The following GRM7 variants were observed in gnomAD, a reference collection of about 807,000 sequenced individuals.
The protein encoded by GRM7 is metabotropic glutamate receptor 7.
GRM7 carries 35 observed loss-of-function variants against 84.5 expected under a neutral mutation model. The observed-to-expected ratio is 0.41, with a 90% CI of 0.32 to 0.55. The LOEUF is 0.55. GRM7 is among the 20% of genes least tolerant of loss of function. The pLI is 0.19. For synonymous variants in GRM7, 487 were observed against 455.1 expected (o/e 1.07, Z -0.89); for missense variants, 1,003 against 1,194.6 (o/e 0.84, Z 2.36).
chr3:7,110,036 A>G (rs1392762490), intron 1 of GRM7, among the ~76,000 whole-genome samples: 1 of 152,108 alleles, frequency 6.6e-6, no homozygotes, highest in Non-Finnish European at 1.5e-5. Context: ...CTAACTATAA[A>G]TGACAATTTA....
chr3:7,665,933 T>C (rs951328481), intron 8 of GRM7, among the ~76,000 whole-genome samples: 7 of 152,218 alleles, frequency 4.6e-5, no homozygotes, highest in Non-Finnish European at 1.0e-4. Context: ...TTTGGAATTA[T>C]TATACTCCTT....
chr3:7,596,838 T>C (rs1696068540), intron 8 of GRM7, among the ~76,000 whole-genome samples: 2 of 152,070 alleles, frequency 1.3e-5, no homozygotes, highest in African/African-American at 4.8e-5. Context: ...CATGCACAGC[T>C]GTGAGGACCC....
chr3:7,566,749 T>TA (rs200028283), intron 7 of GRM7, among the ~76,000 whole-genome samples: 64 of 149,296 alleles, frequency 4.3e-4, no homozygotes, highest in Middle Eastern at 6.9e-3. Flanking sequence ...TAGAGGTTGT[T>TA]AAAAAAAAAA....
chr3:7,158,642 G>C lies in GRM7; in HGVS notation c.736+11974G>C, dbSNP rs536268088. ...GGGAAGATGAACTAAACATTATCGG[G>C]CATCTCTCCCAGTCCAGGTGCTGAT... On this transcript the variant is annotated intron_variant, in intron 2 of 9. Transcript: ENST00000357716. Among the ~76,000 whole-genome samples, 11 of 152,202 alleles carry C rather than the reference G, an allele frequency of 7.2e-5. No homozygotes were observed. The South Asian group carries it at 2.3e-3, about 32-fold the overall frequency.
chr3:6,869,537 A>C (rs747751424), intron 1 of GRM7, among the ~76,000 whole-genome samples: 11 of 129,118 alleles, frequency 8.5e-5, no homozygotes, highest in Non-Finnish European at 1.7e-4. Flanking sequence ...CTTCTGCTGA[A>C]TTGAAAATTT....
rs181961725 is a variant in GRM7 at position 6,890,146 on chromosome 3, C to T, written c.519+28239C>T. Among the ~76,000 whole-genome samples, 500 of 152,022 alleles carry T rather than the reference C, an allele frequency of 3.3e-3. 8 individuals are homozygous for T. Among genetic ancestry groups the T allele is most frequent in the African/African-American group, 0.011 (475 of 41,450 alleles). Reference sequence around the variant, plus strand: ...CTTTTTTCTTTATTAGTCTTGGTAGCGGTCTATCAATTTTGTTGATCCTTT... The same window carrying T: ...CTTTTTTCTTTATTAGTCTTGGTAGTGGTCTATCAATTTTGTTGATCCTTT... On this transcript the variant is annotated intron_variant, in intron 1 of 9. Transcript: ENST00000357716.
chr3:7,435,679 GTTTTT>G (rs71066011), intron 5 of GRM7, among the ~76,000 whole-genome samples: 1 of 88,526 alleles, frequency 1.1e-5, no homozygotes. Flanking sequence ...CATCCGGCTA[GTTTTT>G]TTTTTTTTTT....
At position 6,861,455 on chromosome 3, in the gene GRM7, G is replaced by A. The variant is rs535666333; in HGVS notation, c.67G>A (p.Val23Met). The change falls in exon 1 of 10, where the codon GTG (valine) becomes ATG (methionine). Residue 23 changes from valine (V) to methionine (M), a missense_variant. Transcript: ENST00000357716. This position sits in a 1 kb window ranked among gnomAD's most constrained non-coding sequence, Gnocchi z 6.4. ...LMKFPCCVLE[V>M]LLCALAAAAR... ...GAAGTTCCCCTGCTGCGTGCTGGAGGTGCTCCTGTGCGCGCTGGCGGCGGC... is the reference window on the plus strand; with the variant it reads ...GAAGTTCCCCTGCTGCGTGCTGGAGATGCTCCTGTGCGCGCTGGCGGCGGC... 293 of 1,600,988 alleles carry A rather than the reference G, an allele frequency of 1.8e-4. 3 individuals carry two copies. The South Asian group carries it at 3.0e-3, about 17-fold the overall frequency.
chr3:7,366,024 G>A (rs1693876211), intron 4 of GRM7, among the ~76,000 whole-genome samples: 1 of 151,512 alleles, frequency 6.6e-6, no homozygotes, highest in African/African-American at 2.4e-5. Flanking sequence ...AACCATGTAT[G>A]GTCCATTTTT....
rs180919757 is a variant in GRM7, at chr3:7,597,130, G to A, written c.2451+17773G>A. On this transcript the variant is annotated intron_variant, in intron 8 of 9. Transcript: ENST00000357716. ...TTCTGTAGGCTTTCCAGGAAGCATG[G>A]CAACATTTGCTTCTGGGGAGGTCTC... is the stretch of plus-strand genomic sequence containing the variant. Among the ~76,000 whole-genome samples, 28 of 152,222 alleles carry A rather than the reference G, an allele frequency of 1.8e-4. No individual in the cohort carries two copies. In the East Asian group the frequency reaches 5.4e-3, roughly 29 times the overall value.
chr3:7,495,405 G>C (rs1212963789), intron 7 of GRM7, among the ~76,000 whole-genome samples: 1 of 152,108 alleles, frequency 6.6e-6, no homozygotes, highest in Admixed American at 6.5e-5. Context: ...GAGGCTCAGG[G>C]ACAAAGGGGC....
intron 2 of GRM7, among the ~76,000 whole-genome samples, chr3:7,175,681 G>A (rs777531336): frequency 3.9e-5 from 6 of 152,010 alleles, no homozygotes; most frequent in Admixed American, 6.5e-5. Flanking sequence ...GGGACTACAG[G>A]CAGGTGCCAT....
At chr3:7,631,890 T>C (rs907474386) in intron 8 of GRM7, among the ~76,000 whole-genome samples, 2 of 152,156 alleles carry the variant, frequency 1.3e-5, no homozygotes, top group Admixed American at 6.5e-5. Context: ...CTGTAACTTA[T>C]AACAAGTATC....
At chr3:6,990,233 G>A (rs770221207) in intron 1 of GRM7, among the ~76,000 whole-genome samples, 1 of 150,656 alleles carries the variant, frequency 6.6e-6, no homozygotes, top group Non-Finnish European at 1.5e-5. Flanking sequence ...GAAAGATGTT[G>A]GTCCCCCAGC....
At chr3:6,909,867 G>T (rs887705600) in intron 1 of GRM7, among the ~76,000 whole-genome samples, 3 of 152,120 alleles carry the variant, frequency 2.0e-5, no homozygotes, top group Admixed American at 6.6e-5. Flanking sequence ...TAAAAATTTA[G>T]ATTTATAGAA....
chr3:7,239,352 G>A (rs543469252), intron 2 of GRM7, among the ~76,000 whole-genome samples: 15 of 152,228 alleles, frequency 9.9e-5, no homozygotes, highest in Admixed American at 3.9e-4. Context: ...TAAAAGCACC[G>A]TGGGCTTTGA....
At chr3:7,006,235 A>C (rs1194696776) in intron 1 of GRM7, among the ~76,000 whole-genome samples, 1 of 152,172 alleles carries the variant, frequency 6.6e-6, no homozygotes, top group East Asian at 1.9e-4. Flanking sequence ...TTTTAGATAC[A>C]TAGGAAAATG....
At chr3:7,465,592 G>A (rs1035198203) in intron 7 of GRM7, among the ~76,000 whole-genome samples, 3 of 152,110 alleles carry the variant, frequency 2.0e-5, no homozygotes, top group Admixed American at 6.5e-5. Context: ...TGTTCTGTGA[G>A]AGTGGAATTT....
At chr3:7,444,034 A>G (rs1201031532) in intron 5 of GRM7, among the ~76,000 whole-genome samples, 1 of 152,220 alleles carries the variant, frequency 6.6e-6, no homozygotes, top group Non-Finnish European at 1.5e-5. Flanking sequence ...AACCTGATCT[A>G]TTCACTGCAA....
Sources: allele counts gnomAD v4.1 joint callset (sites outside exome capture counted in the v4.1 genomes callset), GRCh38; gene constraint gnomAD v4.1.1; non-coding constraint Gnocchi (gnomAD v3.1); transcripts MANE v1.5; gene names NCBI Gene and HGNC (gene_info 2026-07-23, HGNC 2026-07-21).